The following SUFU variants were observed in gnomAD, a reference collection of about 807,000 sequenced individuals.
SUFU encodes the protein suppressor of fused homolog.
Under a neutral mutation model 58.9 loss-of-function variants are expected in SUFU, and 7 were observed. The ratio of observed to expected loss-of-function variants is 0.12; its 90% confidence interval spans 0.07 to 0.22. SUFU has a LOEUF of 0.22. Among genes scored for constraint, SUFU ranks in the 10% least tolerant of loss-of-function variants. SUFU has a pLI of 1.00. For missense variants in SUFU, 451 were observed against 641.3 expected (o/e 0.70, Z 3.20); for synonymous variants, 232 against 254.8 (o/e 0.91, Z 0.85).
At chr10:102,558,436 C>T (rs2063003284) in intron 3 of SUFU, among the ~76,000 whole-genome samples, 1 of 152,150 alleles carries the variant, frequency 6.6e-6, no homozygotes, top group South Asian at 2.1e-4. Flanking sequence ...GTCTTGAACT[C>T]CTGGGCTCAA....
intron 3 of SUFU, among the ~76,000 whole-genome samples, chr10:102,570,404 G>T (rs1000871257): frequency 3.3e-5 from 5 of 152,010 alleles, no homozygotes; most frequent in Admixed American, 2.6e-4. Context: ...ACCACGCCTG[G>T]CTAATTCTTA....
At chr10:102,627,798 G>C (rs1238582789) in intron 11 of SUFU, among the ~76,000 whole-genome samples, 1 of 152,222 alleles carries the variant, frequency 6.6e-6, no homozygotes, top group African/African-American at 2.4e-5. Context: ...CAGGCCAGCT[G>C]TGGCTGTGCC....
At position 102,629,051 on chromosome 10, in the gene SUFU, G is replaced by A. The variant is rs2063813891; in HGVS notation, c.1366-1015G>A. 6.6e-6 allele frequency among the ~76,000 whole-genome samples: 1 copy of A among 152,130 alleles called. No individual in the cohort carries two copies. The highest frequency in any genetic ancestry group is 2.1e-4 in the South Asian group (1 of 4,828). ...CATGCCTGTAATCTCAGCTACTCGG[G>A]AGGCTGAGGCACGAGAATCGCTTGA... On this transcript the variant is annotated intron_variant, in intron 11 of 11. Coordinates refer to ENST00000369902, the MANE Select transcript of SUFU (RefSeq NM_016169.4). This position sits in a 1 kb window ranked among gnomAD's most constrained non-coding sequence, Gnocchi z 4.7.
At chr10:102,621,786 C>T (rs1180212407) in intron 10 of SUFU, among the ~76,000 whole-genome samples, 1 of 152,228 alleles carries the variant, frequency 6.6e-6, no homozygotes, top group East Asian at 1.9e-4. Context: ...GAAGAACAAA[C>T]AATGCCCTGG....
At chr10:102,611,215 G>A (rs1368222347) in intron 8 of SUFU, among the ~76,000 whole-genome samples, 1 of 152,210 alleles carries the variant, frequency 6.6e-6, no homozygotes, top group Non-Finnish European at 1.5e-5. Flanking sequence ...AAGAAACTTG[G>A]TGGGATGTGA....
In SUFU at chr10:102,540,915, G is replaced by A. The variant is rs183929648; in HGVS notation, c.318-9055G>A. 4.4e-3 allele frequency among the ~76,000 whole-genome samples: 655 copies of A among 150,480 alleles called. 6 individuals carry two copies. The highest frequency in any genetic ancestry group is 0.015 in the African/African-American group (623 of 40,892). ...TGTGCGCCTGTAATCCCAGCTACTCGGGAGGCTGAGGCAGGTGAATCACTT... is the reference window on the plus strand; with the variant it reads ...TGTGCGCCTGTAATCCCAGCTACTCAGGAGGCTGAGGCAGGTGAATCACTT... On this transcript the variant is annotated intron_variant, in intron 2 of 11. Transcript: ENST00000369902.
intron 3 of SUFU, among the ~76,000 whole-genome samples, chr10:102,586,507 A>G (rs1275540404): frequency 2.6e-5 from 4 of 151,920 alleles, no homozygotes; most frequent in Non-Finnish European, 5.9e-5. Context: ...CCCTGTCTCT[A>G]CTAAAAATAC....
chr10:102,585,441 A>G (rs1319822661), intron 3 of SUFU, among the ~76,000 whole-genome samples: 1 of 152,062 alleles, frequency 6.6e-6, no homozygotes, highest in African/African-American at 2.4e-5. Context: ...TGTAATTGCC[A>G]TCTTTTTTGT....
chr10:102,614,110 A>C (rs2063656306), intron 8 of SUFU, among the ~76,000 whole-genome samples: 1 of 152,222 alleles, frequency 6.6e-6, no homozygotes, highest in South Asian at 2.1e-4. Context: ...GCATCCTCAG[A>C]GCCTTCAGGG....
At position 102,631,643 on chromosome 10, in the gene SUFU, G is replaced by C; in HGVS notation, c.*1488G>C. The C allele has an allele frequency of 4.3e-6, 1 of 233,528 alleles. No homozygotes were observed. Among genetic ancestry groups the C allele is most frequent in the Admixed American group, 5.6e-5 (1 of 17,802 alleles). The allele number at this position is 233,528 out of a possible 1,614,324, so 14.5% of individuals were successfully genotyped here. On this transcript the variant is annotated 3_prime_UTR_variant, in exon 12 of 12. Transcript: ENST00000369902. ...CACAGGCACCAGCAGGGATGCCACAGGAGTGCCCACAGGGTGCAGGACTCC... is the reference window on the plus strand; with the variant it reads ...CACAGGCACCAGCAGGGATGCCACACGAGTGCCCACAGGGTGCAGGACTCC...
At chr10:102,541,358 G>A (rs1396428014) in intron 2 of SUFU, among the ~76,000 whole-genome samples, 1 of 151,766 alleles carries the variant, frequency 6.6e-6, no homozygotes, top group Admixed American at 6.6e-5. Context: ...CTACAGAAAT[G>A]AGTAGGTAAT....
chr10:102,594,532 G>A (rs1442331475), intron 6 of SUFU, among the ~76,000 whole-genome samples: 3 of 151,942 alleles, frequency 2.0e-5, no homozygotes, highest in Non-Finnish European at 4.4e-5. Context: ...CCCCATTTTC[G>A]CCACATTTTC....
intron 2 of SUFU, among the ~76,000 whole-genome samples, chr10:102,541,201 A>G: frequency 6.6e-6 from 1 of 152,118 alleles, no homozygotes; most frequent in Non-Finnish European, 1.5e-5. Context: ...CACGGATCCA[A>G]AACCAAAAGT....
intron 2 of SUFU, among the ~76,000 whole-genome samples, chr10:102,535,968 A>ATGATGT (rs1564670028): frequency 6.8e-6 from 1 of 147,802 alleles, no homozygotes; most frequent in Non-Finnish European, 1.5e-5. Flanking sequence ...GATGATGATG[A>ATGATGT]TGTTGTTGAT....
At chr10:102,553,757 C>T (rs1355864922) in intron 3 of SUFU, among the ~76,000 whole-genome samples, 5 of 150,324 alleles carry the variant, frequency 3.3e-5, no homozygotes, top group Non-Finnish European at 5.9e-5. Context: ...GCCACCGCGC[C>T]CGGCCACAAA....
rs1381757769 is a variant in SUFU at position 102,630,445 on chromosome 10, A to C, written c.*290A>C. The C allele has an allele frequency of 2.0e-6, 1 of 494,962 alleles. No homozygotes were observed. Among genetic ancestry groups the C allele is most frequent in the African/African-American group, 1.9e-5 (1 of 52,090 alleles). The allele number at this position is 494,962 out of a possible 1,614,324, so 30.7% of individuals were successfully genotyped here. Reference sequence around the variant, plus strand: ...TGCAGCCTGCACAGATTCTGGTTTGAGGTTTGACTCTGGACCCTGGCTGTG... The same window carrying C: ...TGCAGCCTGCACAGATTCTGGTTTGCGGTTTGACTCTGGACCCTGGCTGTG... On this transcript the variant is annotated 3_prime_UTR_variant, in exon 12 of 12. Transcript: ENST00000369902.
intron 2 of SUFU, among the ~76,000 whole-genome samples, chr10:102,525,766 A>C (rs564582502): frequency 3.2e-4 from 48 of 152,334 alleles, no homozygotes; most frequent in African/African-American, 1.2e-3. Context: ...GGTGTCCCAA[A>C]GTGCTAGGAT....
chr10:102,565,423 G>T (rs752522443), intron 3 of SUFU, among the ~76,000 whole-genome samples: 4 of 152,160 alleles, frequency 2.6e-5, no homozygotes, highest in Admixed American at 6.6e-5. Flanking sequence ...GTTGGGGTTG[G>T]GGGGTATGCA....
At chr10:102,615,544 T>A in intron 9 of SUFU, 142 bp downstream of exon 9, 1 of 1,233,748 alleles carries the variant, frequency 8.1e-7, no homozygotes, top group Non-Finnish European at 1.2e-6. Context: ...GTGCTTCCCG[T>A]CTCCCTGTCT....
Sources: allele counts gnomAD v4.1 joint callset (sites outside exome capture counted in the v4.1 genomes callset), GRCh38; gene constraint gnomAD v4.1.1; non-coding constraint Gnocchi (gnomAD v3.1); transcripts MANE v1.5; gene names NCBI Gene and HGNC (gene_info 2026-07-23, HGNC 2026-07-21).